Variants in LRRC49 observed in about 807,000 individuals in gnomAD.
The protein encoded by LRRC49 is leucine-rich repeat-containing protein 49.
A neutral mutation model predicts 83.3 loss-of-function variants in LRRC49; 50 were observed. The observed-to-expected ratio is 0.60, with a 90% CI of 0.48 to 0.76. The LOEUF is 0.76. Ranked by LOEUF, LRRC49 falls within the 30% of genes least tolerant of loss-of-function variation. LRRC49 has a pLI of 0.00. For missense variants in LRRC49, 704 were observed against 809.1 expected (o/e 0.87, Z 1.58); for synonymous variants, 286 against 283.3 (o/e 1.01, Z -0.10).
chr15:70,923,084 T>C (rs1239664328), intron 7 of LRRC49, among the ~76,000 whole-genome samples: 4 of 152,022 alleles, frequency 2.6e-5, no homozygotes, highest in Non-Finnish European at 5.9e-5. Flanking sequence ...ATTTAGTATT[T>C]TTCTTATTAT....
At chr15:71,047,902 G>A (rs748425938) in intron 15 of LRRC49, among the ~76,000 whole-genome samples, 9 of 151,258 alleles carry the variant, frequency 6.0e-5, no homozygotes, top group Admixed American at 1.3e-4. Context: ...TCAGCCTCCC[G>A]TGTAGCTGGG....
chr15:70,949,521 A>G (rs1298575775), intron 8 of LRRC49, among the ~76,000 whole-genome samples: 4 of 152,206 alleles, frequency 2.6e-5, no homozygotes, highest in Non-Finnish European at 5.9e-5. Context: ...GATGTACTAT[A>G]TAGTTTTCCC....
chr15:70,974,733 A>G lies in LRRC49; in HGVS notation c.922-5368A>G, dbSNP rs147855007. Among the ~76,000 whole-genome samples the G allele has an allele frequency of 4.1e-3, 629 of 152,142 alleles. 2 individuals carry two copies. Among genetic ancestry groups the G allele is most frequent in the Non-Finnish European group, 7.5e-3 (512 of 67,970 alleles). The stretch of plus-strand genomic sequence containing the variant: ...TTCAAAGCATTGTAAAAAAAAAAAA[A>G]AAGAACAACAAAGAAGGATATGAGA... On this transcript the variant is annotated intron_variant, in intron 9 of 15. Coordinates refer to ENST00000260382, the MANE Select transcript of LRRC49 (RefSeq NM_017691.5).
chr15:70,898,444 G>A, intron 3 of LRRC49: 1 of 701,496 alleles, frequency 1.4e-6, no homozygotes, highest in East Asian at 2.7e-5. Flanking sequence ...GAAGACAAGG[G>A]CTACATATCT....
chr15:70,870,930 A>C (rs900585383), intron 1 of LRRC49, among the ~76,000 whole-genome samples: 2 of 145,664 alleles, frequency 1.4e-5, no homozygotes, highest in Non-Finnish European at 3.0e-5. Flanking sequence ...GCAGGGACTG[A>C]TTCTGCCATG....
intron 8 of LRRC49, among the ~76,000 whole-genome samples, chr15:70,959,682 GA>G (rs1298230930): frequency 6.6e-6 from 1 of 151,940 alleles, no homozygotes; most frequent in South Asian, 2.1e-4. Flanking sequence ...GAAAAGGCCA[GA>G]AAGAAAGAAA....
chr15:70,888,047 A>G (rs1326232591), upstream of LRRC49, among the ~76,000 whole-genome samples: 2 of 152,168 alleles, frequency 1.3e-5, no homozygotes, highest in East Asian at 1.9e-4. Context: ...TAAAAACCCA[A>G]ATAAATGGAG....
rs1208327064 is a variant in LRRC49 at position 71,009,900 on chromosome 15, C to A, written c.1501C>A (p.Gln501Lys). The A allele has an allele frequency of 6.2e-7, 1 of 1,612,036 alleles. No homozygotes were observed. The highest frequency in any genetic ancestry group is 1.3e-5 in the African/African-American group (1 of 74,842). The change falls in exon 13 of 16, where the codon CAA becomes AAA. Residue 501 changes from glutamine (Q) to lysine (K), a missense_variant. Around this residue, in one of 3 missense-constraint regions of LRRC49, gnomAD observed 275 missense variants for 338.0 expected, o/e 0.81. Transcript: ENST00000260382. ...RRIDQLTIDP[Q>K]GNPVVNFTLW... ...TATTGACCAGTTGACAATTGATCCTCAAGGAAATCCAGTTGTCAATTTTAC... is the reference window on the plus strand; with the variant it reads ...TATTGACCAGTTGACAATTGATCCTAAAGGAAATCCAGTTGTCAATTTTAC...
At chr15:70,975,903 T>C (rs11634492) in intron 9 of LRRC49, among the ~76,000 whole-genome samples, 113,981 of 151,944 alleles carry the variant, frequency 0.75, 44,929 homozygotes, top group East Asian at 0.87. Context: ...TGTGGGAAGA[T>C]GTTTGGCCAA....
intron 1 of LRRC49, among the ~76,000 whole-genome samples, chr15:70,867,829 T>C (rs1261083470): frequency 6.6e-6 from 1 of 152,246 alleles, no homozygotes; most frequent in Admixed American, 6.5e-5. Context: ...TGCAATCTTG[T>C]CACGCATTTC....
chr15:71,007,735 A>G (rs972842585), intron 11 of LRRC49, among the ~76,000 whole-genome samples: 2 of 105,218 alleles, frequency 1.9e-5, no homozygotes, highest in African/African-American at 6.5e-5. Flanking sequence ...ATATATATAT[A>G]TATATAGTGT....
chr15:70,879,029 ATGT>A (rs1292205047), intron 2 of LRRC49, among the ~76,000 whole-genome samples: 1 of 152,080 alleles, frequency 6.6e-6, no homozygotes, highest in Non-Finnish European at 1.5e-5. Flanking sequence ...ATTCTTTCTT[ATGT>A]TGTTTGACAG....
intron 3 of LRRC49, among the ~76,000 whole-genome samples, chr15:70,896,699 C>T (rs890480025): frequency 6.6e-6 from 1 of 152,300 alleles, no homozygotes; most frequent in Admixed American, 6.5e-5. Flanking sequence ...ACTGCCTCTA[C>T]CTCTTAGGAG....
At chr15:70,913,643 C>A (rs2034642178) in intron 6 of LRRC49, among the ~76,000 whole-genome samples, 1 of 152,074 alleles carries the variant, frequency 6.6e-6, no homozygotes, top group Admixed American at 6.6e-5. Context: ...TAGGCAACGG[C>A]CAGATTGTGG....
chr15:70,988,192 G>A (rs1391880196), intron 11 of LRRC49, among the ~76,000 whole-genome samples: 5 of 150,962 alleles, frequency 3.3e-5, no homozygotes, highest in African/African-American at 4.9e-5. Context: ...GGGTATCCTT[G>A]TTAACTTTCT....
chr15:70,917,204 T>C (rs1471554334), intron 6 of LRRC49, among the ~76,000 whole-genome samples: 1 of 152,276 alleles, frequency 6.6e-6, no homozygotes, highest in South Asian at 2.1e-4. Context: ...TTCATACTTA[T>C]AGCCTGGGCA....
At chr15:70,900,846 C>T in intron 3 of LRRC49, 76 bp from the exon 4 acceptor site, 2 of 776,476 alleles carry the variant, frequency 2.6e-6, no homozygotes, top group Admixed American at 5.1e-5. Context: ...CTAAAATTCT[C>T]CAAATATAAG....
chr15:71,048,012 G>C (rs2039904361), intron 15 of LRRC49, among the ~76,000 whole-genome samples: 1 of 151,646 alleles, frequency 6.6e-6, no homozygotes, highest in African/African-American at 2.4e-5. Flanking sequence ...CTGACCGCAA[G>C]TGATCCACCC....
rs78813959 is a variant in LRRC49 at position 70,951,795 on chromosome 15, A to G, written c.774-11990A>G. ...AGCTCTGGTTAGGACTTCTAGTACT[A>G]TGTTGAATAGGAGCAGTGAAAATGG... On this transcript the variant is annotated intron_variant, in intron 8 of 15. Transcript: ENST00000260382. 2.2e-3 allele frequency among the ~76,000 whole-genome samples: 338 copies of G among 152,238 alleles called. 1 individual carries two copies. Among genetic ancestry groups the G allele is most frequent in the Non-Finnish European group, 3.6e-3 (244 of 67,990 alleles).
Sources: allele counts gnomAD v4.1 joint callset (sites outside exome capture counted in the v4.1 genomes callset), GRCh38; gene constraint gnomAD v4.1.1; regional missense constraint gnomAD v4.1.1; transcripts MANE v1.5; gene names NCBI Gene and HGNC (gene_info 2026-07-23, HGNC 2026-07-21).